ZNF484: variants seen among roughly 807,000 people sequenced by gnomAD.
The protein encoded by ZNF484 is KRAB box containing C2H2 type zinc finger bA526D8.4.
ZNF484 carries 11 observed loss-of-function variants against 12.9 expected under a neutral mutation model. That is an observed-to-expected ratio of 0.85 (90% CI 0.54 to 1.41). The LOEUF (loss-of-function observed/expected upper bound fraction) is 1.41, where lower values mean the gene tolerates loss of function less well. Among genes scored for constraint, ZNF484 ranks in the 40% most tolerant of loss-of-function variants. ZNF484 has a pLI of 0.00. For missense variants in ZNF484, 807 were observed against 1,007.7 expected (o/e 0.80, Z 2.70); for synonymous variants, 289 against 334.1 (o/e 0.86, Z 1.47).
intron 4 of ZNF484, among the ~76,000 whole-genome samples, chr9:92,854,443 C>T (rs1185737717): frequency 6.6e-6 from 1 of 152,154 alleles, no homozygotes; most frequent in East Asian, 1.9e-4. Context: ...TCCGGCTGGG[C>T]GTGGTGGCTC....
intron 2 of ZNF484, among the ~76,000 whole-genome samples, chr9:92,869,816 G>A (rs1193653273): frequency 6.6e-6 from 1 of 152,184 alleles, no homozygotes; most frequent in Non-Finnish European, 1.5e-5. Context: ...GAAATTTGAA[G>A]AGGAATAGAG....
rs1355902741 is a variant in ZNF484 at position 92,846,951 on chromosome 9, A to T, written c.1836T>A (p.Ile612=). Reference sequence around the variant, plus strand: ...ATTTCTTAGTGAAGGATTTCCCACAAATACTGCATTCATAGGGTTTCTCTC... The same window carrying T: ...ATTTCTTAGTGAAGGATTTCCCACATATACTGCATTCATAGGGTTTCTCTC... ...HTGEKPYECS[I]CGKSFTKKSQ... Residue 612 remains isoleucine, a synonymous_variant, in exon 5 of 5, where the codon ATT becomes ATA. Transcript: ENST00000375495. 1.2e-5 allele frequency: 20 copies of T among 1,612,856 alleles called. No homozygotes were observed. In the Admixed American group the frequency reaches 3.3e-4, roughly 27 times the overall value.
chr9:92,848,099 T>A lies in ZNF484; in HGVS notation c.688A>T (p.Lys230Ter). 1 of 1,614,206 alleles carries A rather than the reference T, an allele frequency of 6.2e-7. No individual in the cohort carries two copies. The highest frequency in any genetic ancestry group is 1.1e-5 in the South Asian group (1 of 91,086). Residue 230 changes from lysine to a stop codon, truncating the protein, a stop_gained, in exon 5 of 5, where the codon AAA becomes TAA. Coordinates refer to ENST00000375495, the MANE Select transcript of ZNF484 (RefSeq NM_031486.4). LOFTEE classifies it low-confidence loss of function (END_TRUNC). The surrounding 1 kb of genome is among the most constrained non-coding windows in gnomAD (Gnocchi z 4.1). ...VTACECNQCG[K>*]PLHHKQALIQ... is the part of the protein sequence containing the mutation. ...AGAGCTTGCTTATGATGCAGAGGTT[T>A]CCCACATTGGTTACATTCACAAGCA...
intron 2 of ZNF484, among the ~76,000 whole-genome samples, chr9:92,869,954 G>T (rs1460670242): frequency 6.6e-6 from 1 of 152,164 alleles, no homozygotes; most frequent in African/African-American, 2.4e-5. Context: ...GGACAAAGAG[G>T]CAGTTATAAC....
chr9:92,846,947 C>T lies in ZNF484; in HGVS notation c.1840G>A (p.Gly614Arg), dbSNP rs372345483. ...TGTGATTTCTTAGTGAAGGATTTCC[C>T]ACAAATACTGCATTCATAGGGTTTC... is the stretch of plus-strand genomic sequence containing the variant. Reference protein sequence around the residue: ...GEKPYECSICGKSFTKKSQLH... With the variant: ...GEKPYECSICRKSFTKKSQLH... The change falls in exon 5 of 5, where the codon GGG becomes AGG. Residue 614 changes from glycine to arginine, a missense_variant. By Grantham distance (125) the Gly-to-Arg change is moderately radical (BLOSUM62 -2). Coordinates refer to ENST00000375495, the MANE Select transcript of ZNF484 (RefSeq NM_031486.4). The T allele has an allele frequency of 1.3e-4, 210 of 1,613,874 alleles. No individual in the cohort carries two copies. Among genetic ancestry groups the T allele is most frequent in the Non-Finnish European group, 1.7e-4 (196 of 1,179,982 alleles).
At chr9:92,859,355 C>T (rs1485085776) in intron 2 of ZNF484, among the ~76,000 whole-genome samples, 3 of 151,972 alleles carry the variant, frequency 2.0e-5, no homozygotes, top group Non-Finnish European at 4.4e-5. Context: ...AGAAGACTCA[C>T]TGGTGGAGAA....
chr9:92,851,626 C>T (rs934051165), intron 4 of ZNF484, among the ~76,000 whole-genome samples: 7 of 152,224 alleles, frequency 4.6e-5, no homozygotes, highest in African/African-American at 1.7e-4. Flanking sequence ...GCCATGGAAA[C>T]AGAGTTGCCC....
At chr9:92,871,031 A>G (rs953126949) in intron 2 of ZNF484, among the ~76,000 whole-genome samples, 1 of 152,352 alleles carries the variant, frequency 6.6e-6, no homozygotes. Context: ...GGTTTCCACA[A>G]TACATTACAA....
At chr9:92,860,475 G>C (rs543793633) in intron 2 of ZNF484, among the ~76,000 whole-genome samples, 3 of 151,892 alleles carry the variant, frequency 2.0e-5, no homozygotes, top group Non-Finnish European at 4.4e-5. Flanking sequence ...ATGGTGGCGG[G>C]CGCCTGTAGT....
At position 92,848,337 on chromosome 9, in the gene ZNF484, G is replaced by T; in HGVS notation, c.450C>A (p.Asp150Glu). The T allele has an allele frequency of 1.2e-6, 2 of 1,614,078 alleles. No homozygotes were observed. Among genetic ancestry groups the T allele is most frequent in the Non-Finnish European group, 1.7e-6 (2 of 1,180,000 alleles). ...VFINKKTLANDSIFEYKDIGE... is the reference protein window; with the variant it reads ...VFINKKTLANESIFEYKDIGE... ...CAATGTCCTTATATTCAAAGATGCT[G>T]TCATTAGCTAGTGTTTTCTTGTTAA... Residue 150 changes from aspartate (D) to glutamate (E), a missense_variant, in exon 5 of 5, where the codon GAC becomes GAA. Asp to Glu is a conservative substitution (Grantham distance 45). Transcript: ENST00000375495. This position sits in a 1 kb window ranked among gnomAD's most constrained non-coding sequence, Gnocchi z 4.1.
chr9:92,875,098 G>A, intron 1 of ZNF484, 39 bp from the exon 2 acceptor site: 3 of 1,599,564 alleles, frequency 1.9e-6, no homozygotes, highest in Admixed American at 1.7e-5. Flanking sequence ...ATGAGAGAAG[G>A]AACTGTGCCA....
chr9:92,864,318 TC>T (rs575732703), intron 2 of ZNF484, among the ~76,000 whole-genome samples: 1 of 151,884 alleles, frequency 6.6e-6, no homozygotes, highest in East Asian at 1.9e-4. Context: ...GCCCCTTTCC[TC>T]CCCAACCTCA....
Position 92,847,354 on chromosome 9 carries a change from G to T in ZNF484, c.1433C>A (p.Thr478Asn). The change falls in exon 5 of 5, where the codon ACT (threonine) becomes AAT (asparagine). Residue 478 changes from threonine (T) to asparagine (N), a missense_variant. Transcript: ENST00000375495. Reference protein sequence around the residue: ...FICSECGKVFTHKTNLIIHQK... With the variant: ...FICSECGKVFNHKTNLIIHQK... ...GTGTATAATGAGATTTGTCTTGTGA[G>T]TGAAGACCTTCCCACATTCTGAACA... 4 of 1,613,800 alleles carry T rather than the reference G, an allele frequency of 2.5e-6. No individual in the cohort carries two copies. Among genetic ancestry groups the T allele is most frequent in the Non-Finnish European group, 3.4e-6 (4 of 1,179,930 alleles).
intron 2 of ZNF484, among the ~76,000 whole-genome samples, chr9:92,857,570 G>T (rs985923421): frequency 3.3e-5 from 5 of 152,166 alleles, no homozygotes; most frequent in African/African-American, 1.2e-4. Context: ...CAGGAAGAGG[G>T]TCTTTAGAGG....
intron 4 of ZNF484, among the ~76,000 whole-genome samples, chr9:92,853,216 T>C (rs1445896184): frequency 2.6e-5 from 4 of 152,080 alleles, no homozygotes; most frequent in African/African-American, 9.7e-5. Context: ...ACAGACATGG[T>C]TGTAGGTGAT....
chr9:92,872,183 A>G (rs1194893011), intron 2 of ZNF484, among the ~76,000 whole-genome samples: 1 of 148,482 alleles, frequency 6.7e-6, no homozygotes, highest in African/African-American at 2.5e-5. Context: ...GTGAGCCAAG[A>G]TCGCGCCATT....
chr9:92,848,658 T>C lies in ZNF484; in HGVS notation c.236-107A>G, dbSNP rs185728295. ...ATCCTAGCACTTTGGGAGGCTGAGG[T>C]GGGCAGATCACTTGAGGCCAGGAGT... is the stretch of plus-strand genomic sequence containing the variant. On this transcript the variant is annotated intron_variant, in intron 4 of 4. Coordinates refer to ENST00000375495, the MANE Select transcript of ZNF484 (RefSeq NM_031486.4). This position sits in a 1 kb window ranked among gnomAD's most constrained non-coding sequence, Gnocchi z 4.1. 8.5e-4 allele frequency: 879 copies of C among 1,039,656 alleles called. 4 individuals are homozygous for C. The African/African-American group carries it at 0.012, about 14-fold the overall frequency. 64.4% of individuals were successfully genotyped at this position (1,039,656 alleles called of 1,614,324 possible).
At chr9:92,876,092 G>A (rs2118310305) in intron 1 of ZNF484, among the ~76,000 whole-genome samples, 1 of 152,076 alleles carries the variant, frequency 6.6e-6, no homozygotes, top group East Asian at 1.9e-4. Context: ...AATAAATCTT[G>A]AATAGGAAAA....
In ZNF484 at chr9:92,867,369, C is replaced by T. The variant is rs141415466; in HGVS notation, c.15+7646G>A. 5.1e-3 allele frequency among the ~76,000 whole-genome samples: 772 copies of T among 152,292 alleles called. 4 individuals carry two copies. The highest frequency in any genetic ancestry group is 0.02 in the Middle Eastern group (6 of 294). On this transcript the variant is annotated intron_variant, in intron 2 of 4. Coordinates refer to ENST00000375495, the MANE Select transcript of ZNF484 (RefSeq NM_031486.4). The stretch of plus-strand genomic sequence containing the variant: ...TGGTGGCAGGCGCCTGTAGTCCCAG[C>T]TACTTGGGAGGCTGAGGCAGAAGAA...
Sources: gnomAD v4.1 joint callset for allele counts (sites outside exome capture counted in the v4.1 genomes callset) on GRCh38, gnomAD v4.1.1 for gene constraint, Gnocchi (gnomAD v3.1) non-coding constraint, MANE v1.5 for transcripts, NCBI Gene and HGNC (gene_info 2026-07-23, HGNC 2026-07-21) for gene names.